Variants in RGS6 observed in about 807,000 individuals in gnomAD.
RGS6 encodes the protein regulator of G protein signaling 6.
A neutral mutation model predicts 78.5 loss-of-function variants in RGS6; 30 were observed. The observed-to-expected ratio is 0.38, with a 90% confidence interval of 0.29 to 0.52. The LOEUF (loss-of-function observed/expected upper bound fraction) is 0.52, where lower values mean the gene tolerates loss of function less well. Among genes scored for constraint, RGS6 ranks in the 20% least tolerant of loss-of-function variants. The pLI, the probability that RGS6 is intolerant of heterozygous loss-of-function variation, is 0.85. For missense variants in RGS6, 495 were observed against 609.7 expected (o/e 0.81, Z 1.98); for synonymous variants, 206 against 206.0 (o/e 1.00, Z 0.00).
chr14:71,925,831 A>T, the RGS6 span, among the ~76,000 whole-genome samples: 216 of 151,838 alleles, frequency 1.4e-3, no homozygotes, highest in Middle Eastern at 0.01. Context: ...TACAGCTTAC[A>T]AAATCACATA....
At chr14:71,895,000 G>A in the RGS6 span, among the ~76,000 whole-genome samples, 2 of 152,094 alleles carry the variant, frequency 1.3e-5, no homozygotes, top group Middle Eastern at 3.4e-3. Context: ...CCGACCTCAG[G>A]TGATCTGCCT....
At chr14:72,111,402 G>T (rs1008837116) in intron 2 of RGS6, among the ~76,000 whole-genome samples, 4 of 152,072 alleles carry the variant, frequency 2.6e-5, no homozygotes, top group African/African-American at 4.8e-5. Flanking sequence ...TGGTAACATA[G>T]GGCACTAGAT....
the RGS6 span, among the ~76,000 whole-genome samples, chr14:72,593,227 C>T: frequency 6.6e-6 from 1 of 152,188 alleles, no homozygotes; most frequent in Non-Finnish European, 1.5e-5. Context: ...CAGATCTGTG[C>T]ATCTTAGCTG....
chr14:72,239,762 T>A (rs947857131), intron 2 of RGS6, among the ~76,000 whole-genome samples: 1 of 152,190 alleles, frequency 6.6e-6, no homozygotes, highest in Non-Finnish European at 1.5e-5. Flanking sequence ...TCATGGAAAT[T>A]TTGAGGTTTC....
chr14:72,605,057 C>G, the RGS6 span, among the ~76,000 whole-genome samples: 1 of 152,122 alleles, frequency 6.6e-6, no homozygotes, highest in Non-Finnish European at 1.5e-5. Context: ...GATAAAATGC[C>G]GTGGCACTGT....
chr14:72,438,114 G>A lies in RGS6; in HGVS notation c.185-16414G>A, dbSNP rs181745101. Among the ~76,000 whole-genome samples the A allele has an allele frequency of 4.6e-5, 7 of 152,252 alleles. No individual in the cohort carries two copies. In the East Asian group the frequency reaches 1.4e-3, roughly 29 times the overall value. On this transcript the variant is annotated intron_variant, in intron 3 of 17. Coordinates refer to ENST00000553525, the MANE Select transcript of RGS6 (RefSeq NM_001204424.2). ...GGAGGGCCTGGTGGAGGGTTCAGCT[G>A]TTGGAGCTCATTTTTCTTGCTTTTT...
At chr14:72,065,306 T>G (rs1011633830) in intron 2 of RGS6, among the ~76,000 whole-genome samples, 1 of 152,226 alleles carries the variant, frequency 6.6e-6, no homozygotes, top group African/African-American at 2.4e-5. Flanking sequence ...TATTGGTTTT[T>G]GTCAAGTGGT....
At chr14:72,087,879 G>GCTCATTCATCACAAAT (rs2095112800) in intron 2 of RGS6, among the ~76,000 whole-genome samples, 1 of 152,112 alleles carries the variant, frequency 6.6e-6, no homozygotes, top group Non-Finnish European at 1.5e-5. Flanking sequence ...GCATGGATGA[G>GCTCATTCATCACAAAT]CTCATTCATC....
At chr14:72,026,155 C>T (rs2089800887) in intron 2 of RGS6, among the ~76,000 whole-genome samples, 1 of 152,026 alleles carries the variant, frequency 6.6e-6, no homozygotes, top group African/African-American at 2.4e-5. Flanking sequence ...ACCTGTAATC[C>T]CAGCACTTTG....
chr14:72,507,503 T>A (rs115798866), intron 13 of RGS6, among the ~76,000 whole-genome samples: 2,057 of 152,302 alleles, frequency 0.014, 48 homozygotes, highest in African/African-American at 0.046. Context: ...ACCCATTTAT[T>A]TCTGCTGAAC....
rs36321 is a variant in RGS6 at position 71,932,602 on chromosome 14, C to G, written c.-360C>G. ...GGCAGAGGCGGGCAAGCGGCGAACGCCTGGGAGCGCGGAGAGCCAGGCCAG... is the reference window on the plus strand; with the variant it reads ...GGCAGAGGCGGGCAAGCGGCGAACGGCTGGGAGCGCGGAGAGCCAGGCCAG... On this transcript the variant is annotated 5_prime_UTR_variant, in exon 1 of 18. Coordinates refer to ENST00000553525, the MANE Select transcript of RGS6 (RefSeq NM_001204424.2). 0.061 allele frequency: 9,282 copies of G among 152,244 alleles called. 385 individuals are homozygous for G. Among genetic ancestry groups the G allele is most frequent in the Non-Finnish European group, 0.092 (6,255 of 68,032 alleles). The allele number at this position is 152,244 out of a possible 1,614,324, so 9.4% of individuals were successfully genotyped here.
chr14:72,099,349 C>T (rs1043567469), intron 2 of RGS6, among the ~76,000 whole-genome samples: 1 of 151,934 alleles, frequency 6.6e-6, no homozygotes, highest in African/African-American at 2.4e-5. Context: ...TTAGTAGAGA[C>T]GGGGTTTCAC....
At chr14:71,917,011 G>A in the RGS6 span, among the ~76,000 whole-genome samples, 1 of 152,172 alleles carries the variant, frequency 6.6e-6, no homozygotes, top group East Asian at 1.9e-4. Context: ...TAGGTGGTGA[G>A]CAAGCCAGGG....
intron 2 of RGS6, among the ~76,000 whole-genome samples, chr14:72,195,863 C>T (rs773857315): frequency 3.0e-4 from 46 of 152,212 alleles, no homozygotes; most frequent in Non-Finnish European, 3.4e-4. Context: ...ATATTATTCT[C>T]CAAGGCAAGG....
chr14:72,333,358 A>C (rs551781362), intron 2 of RGS6, among the ~76,000 whole-genome samples: 1 of 152,160 alleles, frequency 6.6e-6, no homozygotes, highest in Non-Finnish European at 1.5e-5. Context: ...GTCACTGGGC[A>C]GGACAGCCAG....
At chr14:72,174,749 G>T (rs1213490482) in intron 2 of RGS6, among the ~76,000 whole-genome samples, 1 of 152,116 alleles carries the variant, frequency 6.6e-6, no homozygotes, top group Non-Finnish European at 1.5e-5. Flanking sequence ...GGCTTCGGGT[G>T]ACAACCCACC....
chr14:72,072,498 G>T lies in RGS6; in HGVS notation c.84+107623G>T, dbSNP rs950073908. On this transcript the variant is annotated intron_variant, in intron 2 of 17. Transcript: ENST00000553525. Reference sequence around the variant, plus strand: ...AATTTTTTGTATTTTTAGTACAGACGGGGTATCACCGTGTTAGCCAGGATG... The same window carrying T: ...AATTTTTTGTATTTTTAGTACAGACTGGGTATCACCGTGTTAGCCAGGATG... Among the ~76,000 whole-genome samples the T allele has an allele frequency of 3.3e-5, 5 of 152,054 alleles. No homozygotes were observed. The East Asian group carries it at 7.8e-4, about 24-fold the overall frequency.
intron 3 of RGS6, among the ~76,000 whole-genome samples, chr14:72,422,906 G>A (rs973824073): frequency 6.6e-6 from 1 of 152,230 alleles, no homozygotes; most frequent in Admixed American, 6.5e-5. Context: ...GAGAGGGCAT[G>A]GAGCGGACTC....
chr14:72,440,910 G>A (rs1224141608), intron 3 of RGS6, among the ~76,000 whole-genome samples: 1 of 152,096 alleles, frequency 6.6e-6, no homozygotes, highest in African/African-American at 2.4e-5. Flanking sequence ...ATGCGCAGGT[G>A]TGTAAGTGGG....
Sources: allele counts gnomAD v4.1 joint callset (sites outside exome capture counted in the v4.1 genomes callset), GRCh38; gene constraint gnomAD v4.1.1; transcripts MANE v1.5; gene names NCBI Gene and HGNC (gene_info 2026-07-23, HGNC 2026-07-21).